CCDC88C: variants seen among roughly 807,000 people sequenced by gnomAD.
CCDC88C encodes coiled-coil and HOOK domain protein 88C, also known as protein Daple.
Under a neutral mutation model 198.8 loss-of-function variants are expected in CCDC88C, and 131 were observed. That is an observed-to-expected ratio of 0.66 (90% confidence interval 0.57 to 0.76). CCDC88C has a LOEUF of 0.76. Ranked by LOEUF, CCDC88C falls within the 30% of genes least tolerant of loss-of-function variation. The probability of loss-of-function intolerance (pLI) is 0.00; values close to 1 mark genes in which losing one functional copy is unlikely to be tolerated. For synonymous variants in CCDC88C, 1,166 were observed against 1,114.7 expected (o/e 1.05, Z -0.92); for missense variants, 2,553 against 2,631.6 (o/e 0.97, Z 0.65).
intron 3 of CCDC88C, among the ~76,000 whole-genome samples, chr14:91,362,547 T>C (rs1184467487): frequency 6.6e-6 from 1 of 152,260 alleles, no homozygotes; most frequent in African/African-American, 2.4e-5. Flanking sequence ...AAAATGTATG[T>C]GTTCTCCTTC....
intron 3 of CCDC88C, among the ~76,000 whole-genome samples, chr14:91,363,406 C>T (rs942537059): frequency 2.0e-5 from 3 of 151,914 alleles, no homozygotes; most frequent in African/African-American, 7.3e-5. Context: ...TCACCTTGCC[C>T]GGCCTTTGCA....
intron 3 of CCDC88C, among the ~76,000 whole-genome samples, chr14:91,399,817 C>T (rs1309183675): frequency 2.1e-5 from 3 of 140,956 alleles, no homozygotes; most frequent in East Asian, 2.0e-4. Flanking sequence ...CCAGCCTGGG[C>T]GACAGAGTGA....
chr14:91,404,236 AC>A (rs535003086), intron 3 of CCDC88C, among the ~76,000 whole-genome samples: 85 of 151,846 alleles, frequency 5.6e-4, no homozygotes, highest in Non-Finnish European at 9.3e-4. Context: ...CTTCTCAGCT[AC>A]CCCCTCAACA....
At position 91,324,943 on chromosome 14, in the gene CCDC88C, G is replaced by A. The variant is rs780945193; in HGVS notation, c.1198-20C>T. 10 of 1,612,932 alleles carry A rather than the reference G, an allele frequency of 6.2e-6. No homozygotes were observed. The highest frequency in any genetic ancestry group is 8.5e-6 in the Non-Finnish European group (10 of 1,179,876). On this transcript the variant is annotated intron_variant, in intron 11 of 29. Transcript: ENST00000389857. ...CCGGTCCTGGGGCAAGCAAGAAGAG[G>A]CAAGAAGTGAGGCTGCACAGCTGGA...
chr14:91,389,724 AT>A (rs1355006475), intron 3 of CCDC88C, among the ~76,000 whole-genome samples: 2 of 141,420 alleles, frequency 1.4e-5, no homozygotes, highest in Non-Finnish European at 3.1e-5. Flanking sequence ...TATTTAAAAA[AT>A]AAAAAAAAAA....
chr14:91,294,465 CG>C (rs1176253629), intron 22 of CCDC88C, 147 bp from the exon 23 acceptor site: 23 of 880,154 alleles, frequency 2.6e-5, no homozygotes, highest in East Asian at 8.0e-5. Flanking sequence ...AAGGGCCAAA[CG>C]GCCAATAACG....
At chr14:91,322,236 G>T (rs950512876) in intron 12 of CCDC88C, among the ~76,000 whole-genome samples, 1 of 152,204 alleles carries the variant, frequency 6.6e-6, no homozygotes, top group Admixed American at 6.5e-5. Flanking sequence ...GTACAGGGGG[G>T]TGATGGCTTT....
chr14:91,350,426 T>G (rs886869420), intron 4 of CCDC88C, among the ~76,000 whole-genome samples: 1 of 152,178 alleles, frequency 6.6e-6, no homozygotes, highest in Non-Finnish European at 1.5e-5. Flanking sequence ...CCTCCCAAAG[T>G]GCCGGGATTA....
intron 4 of CCDC88C, among the ~76,000 whole-genome samples, chr14:91,354,622 G>A (rs17127265): frequency 6.6e-6 from 1 of 152,132 alleles, no homozygotes; most frequent in Non-Finnish European, 1.5e-5. Flanking sequence ...TTATCTATGA[G>A]AGCAAGTGGG....
At chr14:91,350,146 C>T (rs535675491) in intron 4 of CCDC88C, among the ~76,000 whole-genome samples, 1 of 152,034 alleles carries the variant, frequency 6.6e-6, no homozygotes, top group African/African-American at 2.4e-5. Context: ...TGTAGTCATG[C>T]ACATGTTCAG....
intron 14 of CCDC88C, 123 bp downstream of exon 14, chr14:91,315,527 T>C (rs1807113550): frequency 5.4e-6 from 6 of 1,104,296 alleles, no homozygotes; most frequent in Non-Finnish European, 6.4e-6. Flanking sequence ...ATTTAAGCTG[T>C]GGCTAAGCTA....
At chr14:91,303,353 G>A (rs1202331928) in intron 20 of CCDC88C, among the ~76,000 whole-genome samples, 5 of 121,116 alleles carry the variant, frequency 4.1e-5, no homozygotes, top group Non-Finnish European at 7.0e-5. Flanking sequence ...CCCTTCTCAC[G>A]AGGCCCCCGC....
At chr14:91,318,286 C>T (rs1030683098) in intron 13 of CCDC88C, among the ~76,000 whole-genome samples, 3 of 151,740 alleles carry the variant, frequency 2.0e-5, no homozygotes, top group African/African-American at 7.3e-5. Context: ...CGTGGTGGTA[C>T]GTGCCTGTGG....
intron 25 of CCDC88C, among the ~76,000 whole-genome samples, chr14:91,283,964 A>C (rs1346669296): frequency 6.6e-6 from 1 of 152,164 alleles, no homozygotes; most frequent in Non-Finnish European, 1.5e-5. Context: ...CTTCAAATAG[A>C]AGTTTATTGC....
chr14:91,301,990 G>A (rs149019359), intron 20 of CCDC88C, among the ~76,000 whole-genome samples: 3 of 152,210 alleles, frequency 2.0e-5, no homozygotes, highest in Non-Finnish European at 4.4e-5. Flanking sequence ...GCTACTTTAG[G>A]CCGGAAGGAG....
chr14:91,290,982 T>G lies in CCDC88C; in HGVS notation c.4202+13A>C. 6.6e-7 allele frequency: 1 copy of G among 1,514,764 alleles called. No homozygotes were observed. The highest frequency in any genetic ancestry group is 1.4e-5 in the African/African-American group (1 of 73,358). 93.8% of individuals were successfully genotyped at this position (1,514,764 alleles called of 1,614,324 possible). A position where few individuals can be genotyped will look rare whatever the true frequency, so the allele number is the denominator to read the frequency against. ...AGTTCTGTCTTTATGCCACTACACT[T>G]AAATCAACTCACTTCTTTGGAGGAG... On this transcript the variant is annotated intron_variant, in intron 24 of 29. Transcript: ENST00000389857.
At chr14:91,404,964 C>CAAA (rs57911960) in intron 3 of CCDC88C, among the ~76,000 whole-genome samples, 2 of 103,400 alleles carry the variant, frequency 1.9e-5, no homozygotes, top group African/African-American at 3.8e-5. Context: ...GACTCCATCT[C>CAAA]AAAAAAAAAA....
In CCDC88C at chr14:91,307,053, G is replaced by C. The variant is rs187756622; in HGVS notation, c.3180C>G (p.Ile1060Met). 14 of 1,612,158 alleles carry C rather than the reference G, an allele frequency of 8.7e-6. No individual in the cohort carries two copies. The African/African-American group carries it at 1.9e-4, about 21-fold the overall frequency. ...GCCCACTCACATTCCGCTCCAGCTC[G>C]ATGGCCCGGTCCTTCACTCGGAGAA... ...MELLRVKDRA[I>M]ELERNNAALQ... Residue 1060 changes from isoleucine (I) to methionine (M), a missense_variant, in exon 18 of 30, where the codon ATC (isoleucine) becomes ATG (methionine). Transcript: ENST00000389857.
chr14:91,286,478 C>A (rs1302493534), intron 25 of CCDC88C, among the ~76,000 whole-genome samples: 2 of 152,210 alleles, frequency 1.3e-5, no homozygotes, highest in Non-Finnish European at 2.9e-5. Flanking sequence ...CCACTCCAAT[C>A]CTCCACTCCT....
Sources: allele counts gnomAD v4.1 joint callset (sites outside exome capture counted in the v4.1 genomes callset), GRCh38; gene constraint gnomAD v4.1.1; transcripts MANE v1.5; gene names NCBI Gene and HGNC (gene_info 2026-07-23, HGNC 2026-07-21).